L3MBTL1: variants seen among roughly 807,000 people sequenced by gnomAD.
L3MBTL1 encodes L3MBTL histone methyl-lysine binding protein 1, also known as lethal(3)malignant brain tumor-like protein 1.
Under a neutral mutation model 105.3 loss-of-function variants are expected in L3MBTL1, and 75 were observed. The observed-to-expected ratio is 0.71, with a 90% CI of 0.59 to 0.86. The LOEUF (loss-of-function observed/expected upper bound fraction) is 0.86. Among genes scored for constraint, L3MBTL1 ranks in the 40% least tolerant of loss-of-function variants. L3MBTL1 has a pLI of 0.00. For synonymous variants in L3MBTL1, 452 were observed against 436.2 expected (o/e 1.04, Z -0.45); for missense variants, 1,069 against 1,126.4 (o/e 0.95, Z 0.73).
Position 43,515,171 on chromosome 20 carries a change from A to G in L3MBTL1, c.653+12A>G, listed in dbSNP as rs993181243. The G allele has an allele frequency of 2.5e-6, 4 of 1,613,900 alleles. No homozygotes were observed. The highest frequency in any genetic ancestry group is 3.3e-5 in the Admixed American group (2 of 59,982). The stretch of plus-strand genomic sequence containing the variant: ...CTGTTCCAGGAGCGGTAAGGGGAGG[A>G]GGTCGCAGCCCTACTTGCTCTACCT... On this transcript the variant is annotated intron_variant, in intron 5 of 21. Coordinates refer to ENST00000418998, the MANE Select transcript of L3MBTL1 (RefSeq NM_001377303.1).
downstream of L3MBTL1, among the ~76,000 whole-genome samples, chr20:43,543,566 C>G (rs1312409188): frequency 6.6e-6 from 1 of 152,204 alleles, no homozygotes; most frequent in Non-Finnish European, 1.5e-5. Context: ...AATAGAATCT[C>G]AGAGTGGAGC....
At position 43,536,411 on chromosome 20, in the gene L3MBTL1, T is replaced by C. The variant is rs1223311909; in HGVS notation, c.2126T>C (p.Ile709Thr). ...GGACCTGGTCCGTCTTTCTCCAGAA[T>C]TGGACGCCCTCCGAAGTATCGAAAG... ...PRKKPRHHGR[I>T]GRPPKYRKIP... The change falls in exon 19 of 22, where the codon ATT (isoleucine) becomes ACT (threonine). Residue 709 changes from isoleucine to threonine, a missense_variant and splice_region_variant. Transcript: ENST00000418998. The C allele has an allele frequency of 4.3e-6, 7 of 1,613,948 alleles. No individual in the cohort carries two copies. The highest frequency in any genetic ancestry group is 5.9e-6 in the Non-Finnish European group (7 of 1,180,044).
rs779452105 is a variant in L3MBTL1 at position 43,533,358 on chromosome 20, C to G, written c.1453C>G (p.Pro485Ala). ...GGATTTCAGGTGTGATCCCAGCAGC[C>G]CCTACATCCACCCAGTGGGCTGGTG... ...TYDYWCDPSSPYIHPVGWCQK... is the reference protein window; with the variant it reads ...TYDYWCDPSSAYIHPVGWCQK... Residue 485 changes from proline to alanine, a missense_variant, in exon 13 of 22, where the codon CCC becomes GCC. Coordinates refer to ENST00000418998, the MANE Select transcript of L3MBTL1 (RefSeq NM_001377303.1). The G allele has an allele frequency of 1.9e-6, 3 of 1,613,788 alleles. No homozygotes were observed. The highest frequency in any genetic ancestry group is 4.5e-5 in the East Asian group (2 of 44,862).
chr20:43,529,428 T>G lies in L3MBTL1; in HGVS notation c.1056+60T>G, dbSNP rs1055520304. On this transcript the variant is annotated intron_variant, in intron 9 of 21. Transcript: ENST00000418998. ...GTCTCTCAGTGCAGATTGATGGATC[T>G]TGCTGGGGACATAGAAGGAAACACC... 33 of 1,204,464 alleles carry G rather than the reference T, an allele frequency of 2.7e-5. No individual in the cohort carries two copies. The Admixed American group carries it at 5.7e-4, about 21-fold the overall frequency. 74.6% of individuals were successfully genotyped at this position (1,204,464 alleles called of 1,614,324 possible).
intron 6 of L3MBTL1, 174 bp from the exon 7 acceptor site, chr20:43,515,919 T>G: frequency 1.7e-6 from 1 of 593,878 alleles, no homozygotes; most frequent in Non-Finnish European, 3.0e-6. Flanking sequence ...TGTGCTCAAG[T>G]GATAGGGGGA....
chr20:43,513,802 C>T, intron 2 of L3MBTL1, 36 bp from the exon 3 acceptor site: 1 of 1,547,128 alleles, frequency 6.5e-7, no homozygotes, highest in Non-Finnish European at 8.7e-7. Flanking sequence ...CCACTAGACT[C>T]ACCTGTGTCG....
chr20:43,514,287 G>A, intron 3 of L3MBTL1: 1 of 811,974 alleles, frequency 1.2e-6, no homozygotes, highest in South Asian at 1.8e-5. Flanking sequence ...TCTGGGACTG[G>A]GCCTGTGGGT....
chr20:43,539,282 GA>G (rs1475995696), intron 19 of L3MBTL1: 1 of 152,732 alleles, frequency 6.5e-6, no homozygotes, highest in Admixed American at 6.5e-5. Flanking sequence ...ACCATGGACA[GA>G]GGCTGGGAAA....
At chr20:43,536,607 G>A (rs924793614) in intron 19 of L3MBTL1, 149 bp downstream of exon 19, 8 of 906,430 alleles carry the variant, frequency 8.8e-6, no homozygotes, top group Non-Finnish European at 1.4e-5. Flanking sequence ...AGAGCACAGA[G>A]CAGTGGCAAA....
At chr20:43,539,900 G>C (rs1295438908) in intron 19 of L3MBTL1, 1 of 582,550 alleles carries the variant, frequency 1.7e-6, no homozygotes, top group Non-Finnish European at 3.1e-6. Context: ...CAGCCTCAGA[G>C]AGACGGGGTG....
rs377664927 is a variant in L3MBTL1 at position 43,530,434 on chromosome 20, G to T, written c.1192+15G>T. The T allele has an allele frequency of 1.2e-6, 2 of 1,612,510 alleles. No homozygotes were observed. Among genetic ancestry groups the T allele is most frequent in the African/African-American group, 1.3e-5 (1 of 74,818 alleles). ...GCCTCCCAAAGGTAAGGCCTAGCTG[G>T]GTTGGTCACAGTGAGGCAGTGAGTC... On this transcript the variant is annotated intron_variant, in intron 10 of 21. Transcript: ENST00000418998.
At chr20:43,530,616 C>T (rs1452368731) in intron 10 of L3MBTL1, 182 bp from the exon 11 acceptor site, 2 of 778,288 alleles carry the variant, frequency 2.6e-6, no homozygotes, top group South Asian at 1.8e-5. Context: ...CCGCTTTGCA[C>T]TTGCCCTTTG....
exon 19 of L3MBTL1, chr20:43,550,231 TTG>T (rs1267774543): frequency 6.6e-6 from 1 of 152,200 alleles, no homozygotes; most frequent in African/African-American, 2.4e-5. Flanking sequence ...TTCACTGACT[TTG>T]TGCAGTGAGA....
chr20:43,532,589 T>G, intron 11 of L3MBTL1, 184 bp from the exon 12 acceptor site: 1 of 589,282 alleles, frequency 1.7e-6, no homozygotes, highest in Non-Finnish European at 2.9e-6. Context: ...GGTTCCTGAG[T>G]GCCTCAGGGC....
At chr20:43,535,987 G>A (rs2145476847) in intron 17 of L3MBTL1, 51 bp downstream of exon 17, 2 of 1,587,562 alleles carry the variant, frequency 1.3e-6, no homozygotes, top group Middle Eastern at 3.3e-4. Context: ...TGCACTTACT[G>A]CATGCAGGCG....
chr20:43,536,472 A>G lies in L3MBTL1; in HGVS notation c.2173+14A>G. The G allele has an allele frequency of 1.2e-6, 2 of 1,613,592 alleles. No homozygotes were observed. The highest frequency in any genetic ancestry group is 1.7e-6 in the Non-Finnish European group (2 of 1,179,778). On this transcript the variant is annotated intron_variant, in intron 19 of 21. Transcript: ENST00000418998. Reference sequence around the variant, plus strand: ...AAGATTTCCAGAGTAAGTCTGGGTTATCTGCTCCTATGTCCTCCACCACAG... The same window carrying G: ...AAGATTTCCAGAGTAAGTCTGGGTTGTCTGCTCCTATGTCCTCCACCACAG...
intron 18 of L3MBTL1, chr20:43,548,051 C>T: frequency 7.9e-7 from 1 of 1,267,948 alleles, no homozygotes; most frequent in Non-Finnish European, 1.0e-6. Context: ...TTTCCTTCAC[C>T]CCTGCCCCGT....
chr20:43,515,994 C>T, intron 6 of L3MBTL1, 99 bp from the exon 7 acceptor site: 2 of 883,422 alleles, frequency 2.3e-6, no homozygotes, highest in Non-Finnish European at 3.7e-6. Context: ...GGGCAGAACA[C>T]CACATGGCCA....
chr20:43,542,519 A>C (rs1447143791), downstream of L3MBTL1, among the ~76,000 whole-genome samples: 1 of 151,666 alleles, frequency 6.6e-6, no homozygotes, highest in Non-Finnish European at 1.5e-5. Flanking sequence ...GTACAATTTC[A>C]CAGGTTTTAT....
Sources: allele counts gnomAD v4.1 joint callset (sites outside exome capture counted in the v4.1 genomes callset), GRCh38; gene constraint gnomAD v4.1.1; transcripts MANE v1.5; gene names NCBI Gene and HGNC (gene_info 2026-07-23, HGNC 2026-07-21).